KCNQ1: variants seen among roughly 807,000 people sequenced by gnomAD.
The protein encoded by KCNQ1 is potassium voltage-gated channel subfamily Q member 1.
In KCNQ1, 49 loss-of-function variants were observed where a neutral mutation model predicts 72.4. The ratio of observed to expected loss-of-function variants is 0.68; its 90% CI spans 0.54 to 0.86. KCNQ1 has a LOEUF of 0.86. KCNQ1 is among the 40% of genes least tolerant of loss of function. The pLI, the probability that KCNQ1 is intolerant of heterozygous loss-of-function variation, is 0.00. For missense variants in KCNQ1, 790 were observed against 945.1 expected (o/e 0.84, Z 2.15); for synonymous variants, 450 against 412.6 (o/e 1.09, Z -1.10).
At chr11:2,557,865 C>T (rs1342811178) in intron 2 of KCNQ1, among the ~76,000 whole-genome samples, 1 of 152,228 alleles carries the variant, frequency 6.6e-6, no homozygotes, top group African/African-American at 2.4e-5. Context: ...ACTTCGAACC[C>T]TAGTAATGGA....
In KCNQ1 at chr11:2,831,990, C is replaced by T. The variant is rs865970427; in HGVS notation, c.1795-15777C>T. On this transcript the variant is annotated intron_variant, in intron 15 of 15. Transcript: ENST00000155840. Reference sequence around the variant, plus strand: ...GCCCGTGTACCAGGAGCCTCTGCTCCAGGGGGGTGGCCTGAGGCCCAGGCA... The same window carrying T: ...GCCCGTGTACCAGGAGCCTCTGCTCTAGGGGGGTGGCCTGAGGCCCAGGCA... Among the ~76,000 whole-genome samples, 112 of 152,210 alleles carry T rather than the reference C, an allele frequency of 7.4e-4. 1 individual carries two copies. The highest frequency in any genetic ancestry group is 3.4e-3 in the Middle Eastern group (1 of 294).
intron 11 of KCNQ1, among the ~76,000 whole-genome samples, chr11:2,700,750 C>T (rs1850793746): frequency 6.6e-6 from 1 of 152,116 alleles, no homozygotes; most frequent in Non-Finnish European, 1.5e-5. Context: ...CCTGCCAGCG[C>T]CCGGCCGGGC....
In KCNQ1 at chr11:2,692,644, C is replaced by A. The variant is rs533706973; in HGVS notation, c.1514+30563C>A. 19 of 398,708 alleles carry A rather than the reference C, an allele frequency of 4.8e-5. No individual in the cohort carries two copies. In the South Asian group the frequency reaches 1.3e-3, roughly 27 times the overall value. The allele number at this position is 398,708 out of a possible 1,614,324, so 24.7% of individuals were successfully genotyped here. On this transcript the variant is annotated intron_variant, in intron 11 of 15. Transcript: ENST00000155840. ...TGCTGTGCTCCCAGGCCTCAGCACT[C>A]CCCTCAGGGTGCAAACGGTCCTTCA...
chr11:2,770,490 G>C (rs991397624), intron 12 of KCNQ1, among the ~76,000 whole-genome samples: 1 of 152,214 alleles, frequency 6.6e-6, no homozygotes, highest in Non-Finnish European at 1.5e-5. Context: ...TCTGGCCACC[G>C]GGCCACCATC....
At position 2,602,491 on chromosome 11, in the gene KCNQ1, C is replaced by A. The variant is rs1848821995; in HGVS notation, c.1393+13637C>A. On this transcript the variant is annotated intron_variant, in intron 10 of 15. Transcript: ENST00000155840. The surrounding 1 kb of genome is among the most constrained non-coding windows in gnomAD (Gnocchi z 4.8). ...CATGTTTAGTTTTATAAGAAACTAC[C>A]AAACTGATTTTCCAGAGTGACTGCA... Among the ~76,000 whole-genome samples, 1 of 152,136 alleles carries A rather than the reference C, an allele frequency of 6.6e-6. No individual in the cohort carries two copies. Among genetic ancestry groups the A allele is most frequent in the African/African-American group, 2.4e-5 (1 of 41,424 alleles).
chr11:2,596,274 C>A (rs113401788), intron 10 of KCNQ1, among the ~76,000 whole-genome samples: 39 of 152,254 alleles, frequency 2.6e-4, no homozygotes, highest in African/African-American at 8.9e-4. Flanking sequence ...GGAAACAGTT[C>A]AGCAGTTTCT....
rs1005199198 is a variant in KCNQ1 at position 2,614,684 on chromosome 11, A to G, written c.1393+25830A>G. The G allele has an allele frequency of 7.0e-5, 28 of 398,342 alleles. No individual in the cohort carries two copies. Among genetic ancestry groups the G allele is most frequent in the Non-Finnish European group, 7.5e-5 (17 of 225,994 alleles). 24.7% of individuals were successfully genotyped at this position (398,342 alleles called of 1,614,324 possible). ...CATTTGTTGAAAATGAATTGATCAT[A>G]TATGTGAGTGTTTATTTCTACATTC... On this transcript the variant is annotated intron_variant, in intron 10 of 15. Transcript: ENST00000155840.
At position 2,464,197 on chromosome 11, in the gene KCNQ1, C is replaced by T. The variant is rs527716366; in HGVS notation, c.386+18713C>T. The stretch of plus-strand genomic sequence containing the variant: ...AGTGGGCCGCAGGCGCTCCCTGGGC[C>T]GGAACACATGGACGTCCAGGTGTGG... On this transcript the variant is annotated intron_variant, in intron 1 of 15. Transcript: ENST00000155840. This position sits in a 1 kb window ranked among gnomAD's most constrained non-coding sequence, Gnocchi z 5.0. Among the ~76,000 whole-genome samples, 16 of 152,218 alleles carry T rather than the reference C, an allele frequency of 1.1e-4. No homozygotes were observed. The highest frequency in any genetic ancestry group is 3.1e-4 in the African/African-American group (13 of 41,518).
In KCNQ1 at chr11:2,769,330, C is replaced by CCCCAGCCCT. The variant is rs1846551898; in HGVS notation, c.1590+412_1590+420dup. On this transcript the variant is annotated intron_variant, in intron 12 of 15. Transcript: ENST00000155840. The surrounding 1 kb of genome is among the most constrained non-coding windows in gnomAD (Gnocchi z 4.6). ...GCTGGGAAGGCAGGTCCCCCAGACC[C>CCCCAGCCCT]CCCAGCCCTGTCCTCCACTGGCTCA... Among the ~76,000 whole-genome samples, 1 of 152,198 alleles carries CCCCAGCCCT rather than the reference C, an allele frequency of 6.6e-6. No homozygotes were observed. The highest frequency in any genetic ancestry group is 1.5e-5 in the Non-Finnish European group (1 of 68,046).
intron 10 of KCNQ1, chr11:2,648,988 T>TTTTTTTTTTTTTTTTTTC (rs1849713855): frequency 3.1e-6 from 1 of 322,162 alleles, no homozygotes; most frequent in African/African-American, 2.3e-5. Context: ...TTTCTTTTTT[T>TTTTTTTTTTTTTTTTTTC]TTTTTTTTTT....
At position 2,471,769 on chromosome 11, in the gene KCNQ1, T is replaced by C. The variant is rs1846469774; in HGVS notation, c.386+26285T>C. ...GGGCGTGTGTGTACTTGTGTATGGG[T>C]GTGTGCATGTGATTGGGTGTGTGCA... On this transcript the variant is annotated intron_variant, in intron 1 of 15. Transcript: ENST00000155840. This position sits in a 1 kb window ranked among gnomAD's most constrained non-coding sequence, Gnocchi z 4.8. 1.3e-5 allele frequency among the ~76,000 whole-genome samples: 2 copies of C among 150,606 alleles called. No homozygotes were observed. The highest frequency in any genetic ancestry group is 4.9e-5 in the African/African-American group (2 of 40,730).
At chr11:2,445,983 G>C (rs1297625749) in intron 1 of KCNQ1, among the ~76,000 whole-genome samples, 1 of 152,160 alleles carries the variant, frequency 6.6e-6, no homozygotes, top group Non-Finnish European at 1.5e-5. Context: ...GACGGTGGCG[G>C]TGCTCCCTGA....
intron 1 of KCNQ1, among the ~76,000 whole-genome samples, chr11:2,506,250 T>G (rs1349875921): frequency 1.3e-5 from 2 of 152,222 alleles, no homozygotes; most frequent in African/African-American, 4.8e-5. Context: ...ATATCCAGCT[T>G]TATTCTTTTG....
At chr11:2,743,303 G>T (rs1034728135) in intron 11 of KCNQ1, among the ~76,000 whole-genome samples, 1 of 152,166 alleles carries the variant, frequency 6.6e-6, no homozygotes, top group Non-Finnish European at 1.5e-5. Context: ...CTGAGGTGCT[G>T]CTGGGTGTCT....
At position 2,663,668 on chromosome 11, in the gene KCNQ1, C is replaced by G. The variant is rs1006178344; in HGVS notation, c.1514+1587C>G. On this transcript the variant is annotated intron_variant, in intron 11 of 15. Coordinates refer to ENST00000155840, the MANE Select transcript of KCNQ1 (RefSeq NM_000218.3). The surrounding 1 kb of genome is among the most constrained non-coding windows in gnomAD (Gnocchi z 5.2). ...ACTGGGAGGAGAGGGCCATCACCCA[C>G]AGTCCATCTAGCTGGGCAGCCAGGC... 2.5e-6 allele frequency: 1 copy of G among 398,618 alleles called. No homozygotes were observed. Among genetic ancestry groups the G allele is most frequent in the African/African-American group, 2.1e-5 (1 of 48,654 alleles). The allele number at this position is 398,618 out of a possible 1,614,324, so 24.7% of individuals were successfully genotyped here.
chr11:2,490,473 A>G (rs1274985133), intron 1 of KCNQ1, among the ~76,000 whole-genome samples: 1 of 151,864 alleles, frequency 6.6e-6, no homozygotes, highest in African/African-American at 2.4e-5. Flanking sequence ...CTTGGGTGAA[A>G]CCCAGTGATG....
intron 11 of KCNQ1, among the ~76,000 whole-genome samples, chr11:2,756,441 T>TAAAAA (rs59499292): frequency 1.5e-4 from 21 of 137,246 alleles, no homozygotes; most frequent in South Asian, 4.7e-4. Context: ...TTACTAAAAT[T>TAAAAA]AAAAAAAAAA....
At chr11:2,609,896 G>GCC (rs920415870) in intron 10 of KCNQ1, 2 of 397,792 alleles carry the variant, frequency 5.0e-6, no homozygotes, top group African/African-American at 4.1e-5. Context: ...CTTTCAGTTG[G>GCC]CATTTATCAT....
intron 11 of KCNQ1, among the ~76,000 whole-genome samples, chr11:2,757,797 T>A (rs549304928): frequency 1.3e-5 from 2 of 152,110 alleles, no homozygotes; most frequent in Non-Finnish European, 2.9e-5. Flanking sequence ...AGATGCAAAA[T>A]TCAGCGGAGG....
Sources: gnomAD v4.1 joint callset for allele counts (sites outside exome capture counted in the v4.1 genomes callset) on GRCh38, gnomAD v4.1.1 for gene constraint, Gnocchi (gnomAD v3.1) non-coding constraint, MANE v1.5 for transcripts, NCBI Gene and HGNC (gene_info 2026-07-23, HGNC 2026-07-21) for gene names.